The following SMLR1 variants were observed in gnomAD, a reference collection of about 807,000 sequenced individuals.
SMLR1 encodes the protein small leucine-rich protein 1.
SMLR1 carries 3 observed loss-of-function variants against 6.1 expected under a neutral mutation model. The ratio of observed to expected loss-of-function variants is 0.49; its 90% CI spans 0.22 to 1.28. The LOEUF is 1.28. Ranked by LOEUF, SMLR1 falls within the 50% of genes most tolerant of loss-of-function variation. SMLR1 has a pLI of 0.19. For synonymous variants in SMLR1, 55 were observed against 53.6 expected (o/e 1.03, Z -0.11); for missense variants, 126 against 124.8 (o/e 1.01, Z -0.05).
Position 130,834,969 on chromosome 6 carries a change from C to G in SMLR1, c.*14C>G, listed in dbSNP as rs867517130. Reference sequence around the variant, plus strand: ...AAATGGACGTGAAGTTGGGGACTTTCCAATAACTAAAGCACAATGAGTTTC... The same window carrying G: ...AAATGGACGTGAAGTTGGGGACTTTGCAATAACTAAAGCACAATGAGTTTC... On this transcript the variant is annotated 3_prime_UTR_variant, in exon 2 of 2. Coordinates refer to ENST00000541421, the MANE Select transcript of SMLR1 (RefSeq NM_001195597.2). 31 of 1,530,176 alleles carry G rather than the reference C, an allele frequency of 2.0e-5. No individual in the cohort carries two copies. In the Middle Eastern group the frequency reaches 1.0e-3, roughly 50 times the overall value. 94.8% of individuals were successfully genotyped at this position (1,530,176 alleles called of 1,614,324 possible). A position where few individuals can be genotyped will look rare whatever the true frequency, so the allele number is the denominator to read the frequency against.
At chr6:130,832,162 T>G (rs940856654) in intron 1 of SMLR1, among the ~76,000 whole-genome samples, 5 of 152,050 alleles carry the variant, frequency 3.3e-5, no homozygotes, top group Admixed American at 6.6e-5. Flanking sequence ...AGTCCTGAGA[T>G]TCCCAAACCT....
chr6:130,831,136 C>T (rs1190096324), intron 1 of SMLR1, among the ~76,000 whole-genome samples: 1 of 152,196 alleles, frequency 6.6e-6, no homozygotes, highest in Non-Finnish European at 1.5e-5. Context: ...AAGTAGTCCT[C>T]CCTGATGGCA....
chr6:130,832,811 G>T (rs1774506964), intron 1 of SMLR1, among the ~76,000 whole-genome samples: 1 of 152,022 alleles, frequency 6.6e-6, no homozygotes, highest in Non-Finnish European at 1.5e-5. Context: ...CCTCAGTAGG[G>T]GTTCTATCTG....
intron 1 of SMLR1, among the ~76,000 whole-genome samples, chr6:130,830,837 G>A (rs1278808249): frequency 6.6e-6 from 1 of 152,118 alleles, no homozygotes; most frequent in Non-Finnish European, 1.5e-5. Context: ...AAATGCCCTG[G>A]CAATGTCAGG....
chr6:130,829,048 T>C (rs60609111), intron 1 of SMLR1, among the ~76,000 whole-genome samples: 6,673 of 152,254 alleles, frequency 0.044, 208 homozygotes, highest in African/African-American at 0.087. Flanking sequence ...CAGCCTCCCA[T>C]TGACATTGAA....
At chr6:130,829,551 G>A (rs934257711) in intron 1 of SMLR1, among the ~76,000 whole-genome samples, 4 of 152,162 alleles carry the variant, frequency 2.6e-5, no homozygotes, top group Admixed American at 6.5e-5. Context: ...ATGATTGCAC[G>A]CTGATGCCCT....
At chr6:130,830,498 A>G (rs1341605601) in intron 1 of SMLR1, among the ~76,000 whole-genome samples, 1 of 152,196 alleles carries the variant, frequency 6.6e-6, no homozygotes, top group Non-Finnish European at 1.5e-5. Flanking sequence ...TGGAAAGAAT[A>G]CTAATGACTA....
At chr6:130,831,183 G>A (rs1385143476) in intron 1 of SMLR1, among the ~76,000 whole-genome samples, 1 of 152,120 alleles carries the variant, frequency 6.6e-6, no homozygotes, top group African/African-American at 2.4e-5. Flanking sequence ...AAAGCAAACC[G>A]GGTGAGAAAT....
At chr6:130,833,753 G>A (rs1648682299) in intron 1 of SMLR1, among the ~76,000 whole-genome samples, 1 of 152,174 alleles carries the variant, frequency 6.6e-6, no homozygotes, top group Non-Finnish European at 1.5e-5. Flanking sequence ...GCAAGTGCAA[G>A]TATTGGCTAC....
chr6:130,831,139 T>A (rs1774432212), intron 1 of SMLR1, among the ~76,000 whole-genome samples: 1 of 152,194 alleles, frequency 6.6e-6, no homozygotes, highest in South Asian at 2.1e-4. Context: ...TAGTCCTCCC[T>A]GATGGCAGTT....
intron 1 of SMLR1, among the ~76,000 whole-genome samples, chr6:130,829,516 T>C (rs1774377227): frequency 1.3e-5 from 2 of 152,324 alleles, no homozygotes; most frequent in African/African-American, 4.8e-5. Flanking sequence ...CCAGAGGAAG[T>C]GCTCCATGTG....
Position 130,836,365 on chromosome 6 carries a change from G to A in SMLR1, c.*1410G>A, listed in dbSNP as rs778225006. 6.6e-6 allele frequency: 1 copy of A among 152,160 alleles called. No individual in the cohort carries two copies. The highest frequency in any genetic ancestry group is 1.5e-5 in the Non-Finnish European group (1 of 68,016). 9.4% of individuals were successfully genotyped at this position (152,160 alleles called of 1,614,324 possible). ...GGGGGAAATCAGCTTATGTAAAAAT[G>A]CTTTCTTTAACAGAAAGTGTGAAAG... On this transcript the variant is annotated 3_prime_UTR_variant, in exon 2 of 2. Coordinates refer to ENST00000541421, the MANE Select transcript of SMLR1 (RefSeq NM_001195597.2).
intron 1 of SMLR1, among the ~76,000 whole-genome samples, chr6:130,830,573 G>A (rs969091668): frequency 6.6e-6 from 1 of 152,176 alleles, no homozygotes; most frequent in Middle Eastern, 3.2e-3. Context: ...ATTTAAACGA[G>A]AGCAACTCCA....
intron 1 of SMLR1, among the ~76,000 whole-genome samples, chr6:130,831,760 G>A (rs567969256): frequency 4.6e-5 from 7 of 152,214 alleles, no homozygotes; most frequent in East Asian, 1.9e-4. Flanking sequence ...TGGCATGTTC[G>A]CAGAACCCCA....
At chr6:130,833,518 A>G (rs1774535698) in intron 1 of SMLR1, among the ~76,000 whole-genome samples, 1 of 152,216 alleles carries the variant, frequency 6.6e-6, no homozygotes, top group Admixed American at 6.5e-5. Flanking sequence ...ACGGAAAGTC[A>G]GTGTGACTCA....
chr6:130,827,411 G>T lies in SMLR1; in HGVS notation c.-3G>T. 6.5e-7 allele frequency: 1 copy of T among 1,535,684 alleles called. No homozygotes were observed. The highest frequency in any genetic ancestry group is 1.2e-5 in the South Asian group (1 of 84,012). On this transcript the variant is annotated 5_prime_UTR_variant, in exon 1 of 2. Transcript: ENST00000541421. ...CAAAGTCCACAAAAAATTCCACTGA[G>T]ACATGCTGAGCAAAGGCCGGAGCCC...
At chr6:130,827,761 T>A in intron 1 of SMLR1, 110 bp downstream of exon 1, 1 of 764,222 alleles carries the variant, frequency 1.3e-6, no homozygotes, top group African/African-American at 1.8e-5. Context: ...CATATATATA[T>A]ATATTTTGTA....
chr6:130,836,646 T>G lies in SMLR1; in HGVS notation c.*1691T>G, dbSNP rs1200163480. 1 of 152,190 alleles carries G rather than the reference T, an allele frequency of 6.6e-6. No homozygotes were observed. Among genetic ancestry groups the G allele is most frequent in the African/African-American group, 2.4e-5 (1 of 41,458 alleles). 9.4% of individuals were successfully genotyped at this position (152,190 alleles called of 1,614,324 possible). On this transcript the variant is annotated 3_prime_UTR_variant, in exon 2 of 2. Transcript: ENST00000541421. ...TCCAATGAGAGCAGAGAATCTCCAA[T>G]GAAACTGACTAGATTTATGAATGTT...
chr6:130,834,856 A>AT lies in SMLR1; in HGVS notation c.239-9dup. 1 of 1,533,242 alleles carries AT rather than the reference A, an allele frequency of 6.5e-7. No individual in the cohort carries two copies. Among genetic ancestry groups the AT allele is most frequent in the Non-Finnish European group, 8.7e-7 (1 of 1,144,514 alleles). The allele number at this position is 1,533,242 out of a possible 1,614,324, so 95.0% of individuals were successfully genotyped here. ...AGATGTCTCCAAATTATTAACTAAT[A>AT]TTTTTCCTTTCAGTTAATGAAGAAC... On this transcript the variant is annotated splice_polypyrimidine_tract_variant and intron_variant, in intron 1 of 1. Coordinates refer to ENST00000541421, the MANE Select transcript of SMLR1 (RefSeq NM_001195597.2).
Sources: allele counts gnomAD v4.1 joint callset (sites outside exome capture counted in the v4.1 genomes callset), GRCh38; gene constraint gnomAD v4.1.1; transcripts MANE v1.5; gene names NCBI Gene and HGNC (gene_info 2026-07-23, HGNC 2026-07-21).